The following PGLYRP4 variants were observed in gnomAD, a reference collection of about 807,000 sequenced individuals.
PGLYRP4 encodes PGRP-I-beta.
PGLYRP4 carries 39 observed loss-of-function variants against 41.2 expected under a neutral mutation model. The observed-to-expected ratio is 0.95, with a 90% CI of 0.73 to 1.24. The LOEUF is 1.24. Among genes scored for constraint, PGLYRP4 ranks in the 50% most tolerant of loss-of-function variants. The pLI, the probability that PGLYRP4 is intolerant of heterozygous loss-of-function variation, is 0.00. For synonymous variants in PGLYRP4, 202 were observed against 186.8 expected (o/e 1.08, Z -0.66); for missense variants, 467 against 460.7 (o/e 1.01, Z -0.13).
chr1:153,342,372 T>C (rs1660836620), intron 5 of PGLYRP4, among the ~76,000 whole-genome samples: 1 of 152,242 alleles, frequency 6.6e-6, no homozygotes, highest in South Asian at 2.1e-4. Flanking sequence ...CCTCTCCTTC[T>C]AGCTGTGTCA....
Position 153,340,569 on chromosome 1 carries a change from G to A in PGLYRP4, c.636C>T (p.Gly212=), listed in dbSNP as rs774162708. The A allele has an allele frequency of 1.5e-5, 25 of 1,613,752 alleles. No individual in the cohort carries two copies. The highest frequency in any genetic ancestry group is 2.2e-5 in the East Asian group (1 of 44,872). ...CTCCCCACACAGACCGTGGGACAACGCCGGGGCAAGCTGAGGTGGGGCGAG... is the reference window on the plus strand; with the variant it reads ...CTCCCCACACAGACCGTGGGACAACACCGGGGCAAGCTGAGGTGGGGCGAG... ...QKTSLKKACP[G]VVPRSVWGAR... is the part of the protein sequence containing the mutation. The change falls in exon 7 of 9, where the codon GGC becomes GGT. Residue 212 remains glycine (G), a synonymous_variant. Coordinates refer to ENST00000359650, the MANE Select transcript of PGLYRP4 (RefSeq NM_020393.4).
intron 7 of PGLYRP4, among the ~76,000 whole-genome samples, chr1:153,338,745 T>C (rs1450423454): frequency 2.0e-5 from 3 of 152,212 alleles, no homozygotes; most frequent in African/African-American, 4.8e-5. Context: ...CCCACTCAAC[T>C]GTAAGGCCTC....
rs755069547 is a variant in PGLYRP4, at chr1:153,341,577, G to A, written c.625+50C>T. ...CACTCCCAATGGTATTTGCGAGTTA[G>A]TTGGGGTGAGCCCAGTGGCAGGCCC... On this transcript the variant is annotated intron_variant, in intron 6 of 8. Transcript: ENST00000359650. The A allele has an allele frequency of 5.8e-6, 9 of 1,544,918 alleles. No homozygotes were observed. In the Admixed American group the frequency reaches 7.4e-5, roughly 13 times the overall value.
intron 8 of PGLYRP4, among the ~76,000 whole-genome samples, chr1:153,335,073 A>G (rs1233605078): frequency 6.6e-6 from 1 of 152,206 alleles, no homozygotes; most frequent in East Asian, 1.9e-4. Flanking sequence ...TAAATTTAAG[A>G]TCTCAAACTA....
In PGLYRP4 at chr1:153,330,875, G is replaced by T. The variant is rs938485372; in HGVS notation, c.1014C>A (p.Tyr338Ter). The change falls in exon 9 of 9, where the codon TAC becomes TAA. Residue 338 changes from tyrosine to a stop codon, truncating the protein, a stop_gained. Coordinates refer to ENST00000359650, the MANE Select transcript of PGLYRP4 (RefSeq NM_020393.4). LOFTEE classifies it high-confidence loss of function. Reference protein sequence around the residue: ...DLIQCAMVKGYLTPNYLLVGH... With the variant: ...DLIQCAMVKG ...CCACCAGCAGGTAGTTGGGAGTCAG[G>T]TACCCTTTGACCATGGCACACTGGA... 1 of 1,613,844 alleles carries T rather than the reference G, an allele frequency of 6.2e-7. No homozygotes were observed. Among genetic ancestry groups the T allele is most frequent in the Admixed American group, 1.7e-5 (1 of 59,994 alleles).
At chr1:153,347,851 G>A (rs192733709) in intron 2 of PGLYRP4, 33 bp downstream of exon 2, 79 of 1,495,256 alleles carry the variant, frequency 5.3e-5, no homozygotes, top group African/African-American at 5.2e-4. Context: ...CACCCTTCTC[G>A]GTTGCTTTTT....
At chr1:153,342,168 A>C (rs1157997928) in intron 5 of PGLYRP4, among the ~76,000 whole-genome samples, 1 of 152,240 alleles carries the variant, frequency 6.6e-6, no homozygotes, top group Non-Finnish European at 1.5e-5. Context: ...GAGAGATGCT[A>C]TTATTAACTG....
At chr1:153,346,474 C>T (rs1394684461) in intron 2 of PGLYRP4, among the ~76,000 whole-genome samples, 15 of 86,216 alleles carry the variant, frequency 1.7e-4, no homozygotes, top group African/African-American at 4.7e-4. Context: ...ACACAATTGG[C>T]GGGGAAAAAA....
Position 153,347,988 on chromosome 1 carries a change from A to T in PGLYRP4, c.-46-10T>A, listed in dbSNP as rs1239155024. On this transcript the variant is annotated splice_polypyrimidine_tract_variant and intron_variant, in intron 1 of 8. Transcript: ENST00000359650. Reference sequence around the variant, plus strand: ...GAGTGTGGATGGCAGCCTGAGAGAGACGCTGACAGTTGTTAACATGACCAT... The same window carrying T: ...GAGTGTGGATGGCAGCCTGAGAGAGTCGCTGACAGTTGTTAACATGACCAT... 3 of 1,398,524 alleles carry T rather than the reference A, an allele frequency of 2.1e-6. No individual in the cohort carries two copies. The highest frequency in any genetic ancestry group is 3.0e-6 in the Non-Finnish European group (3 of 991,070). The allele number at this position is 1,398,524 out of a possible 1,614,324, so 86.6% of individuals were successfully genotyped here. A position where few individuals can be genotyped will look rare whatever the true frequency, so the allele number is the denominator to read the frequency against.
rs761888917 is a variant in PGLYRP4 at position 153,330,922 on chromosome 1, G to T, written c.967C>A (p.Leu323Ile). 3.3e-5 allele frequency: 53 copies of T among 1,613,688 alleles called. No individual in the cohort carries two copies. The African/African-American group carries it at 6.4e-4, about 20-fold the overall frequency. ...FTGIPPNAAALEAAQDLIQCA... is the reference protein window; with the variant it reads ...FTGIPPNAAAIEAAQDLIQCA... The stretch of plus-strand genomic sequence containing the variant: ...TGGATCAGGTCTTGGGCTGCCTCTA[G>T]TGCTGCAGCATTGGGTGGTATACCT... Residue 323 changes from leucine to isoleucine, a missense_variant, in exon 9 of 9, where the codon CTA becomes ATA. Physicochemically the swap from Leu to Ile is conservative, Grantham distance 5. Coordinates refer to ENST00000359650, the MANE Select transcript of PGLYRP4 (RefSeq NM_020393.4).
intron 6 of PGLYRP4, 124 bp downstream of exon 6, chr1:153,341,503 G>A: frequency 1.2e-6 from 1 of 852,280 alleles, no homozygotes; most frequent in Admixed American, 2.5e-5. Flanking sequence ...AGAGAGTTGG[G>A]TGGCCAGTTG....
intron 8 of PGLYRP4, among the ~76,000 whole-genome samples, chr1:153,335,106 A>AG (rs1412746774): frequency 1.1e-4 from 16 of 152,324 alleles, no homozygotes; most frequent in East Asian, 3.9e-4. Flanking sequence ...AAGAAAACCC[A>AG]GGGAAAAACT....
rs1387911203 is a variant in PGLYRP4 at position 153,341,621 on chromosome 1, T to G, written c.625+6A>C. The G allele has an allele frequency of 4.4e-6, 7 of 1,606,896 alleles. No individual in the cohort carries two copies. The highest frequency in any genetic ancestry group is 1.7e-5 in the Admixed American group (1 of 59,686). The stretch of plus-strand genomic sequence containing the variant: ...CAGGCCCAGTAGGGCTGAAGAAAGG[T>G]CTTACCCTTCTTCAGGCTTGTCTTC... On this transcript the variant is annotated splice_donor_region_variant and intron_variant, in intron 6 of 8. Coordinates refer to ENST00000359650, the MANE Select transcript of PGLYRP4 (RefSeq NM_020393.4).
Position 153,330,558 on chromosome 1 carries a change from T to C in PGLYRP4, c.*209A>G. 2.4e-6 allele frequency: 1 copy of C among 411,360 alleles called. No homozygotes were observed. Among genetic ancestry groups the C allele is most frequent in the Non-Finnish European group, 4.5e-6 (1 of 222,280 alleles). The allele number at this position is 411,360 out of a possible 1,614,324, so 25.5% of individuals were successfully genotyped here. A position where few individuals can be genotyped will look rare whatever the true frequency, so the allele number is the denominator to read the frequency against. On this transcript the variant is annotated 3_prime_UTR_variant, in exon 9 of 9. Transcript: ENST00000359650. ...GGAGAGAAGAAATCTGGACTCAGACTCAGAGGGCTGTGAATGTCCAGCTAT... is the reference window on the plus strand; with the variant it reads ...GGAGAGAAGAAATCTGGACTCAGACCCAGAGGGCTGTGAATGTCCAGCTAT...
chr1:153,337,118 C>G, intron 8 of PGLYRP4, 63 bp downstream of exon 8: 1 of 1,169,250 alleles, frequency 8.6e-7, no homozygotes, highest in Non-Finnish European at 1.3e-6. Flanking sequence ...ACTTTGTCTT[C>G]CATGTCAGAT....
intron 3 of PGLYRP4, 135 bp from the exon 4 acceptor site, chr1:153,345,517 C>T: frequency 1.4e-6 from 1 of 691,876 alleles, no homozygotes; most frequent in East Asian, 2.6e-5. Flanking sequence ...GCCCTGCCCA[C>T]CTCTACATAC....
At position 153,333,926 on chromosome 1, in the gene PGLYRP4, G is replaced by A. The variant is rs116987684; in HGVS notation, c.944-2981C>T. On this transcript the variant is annotated intron_variant, in intron 8 of 8. Coordinates refer to ENST00000359650, the MANE Select transcript of PGLYRP4 (RefSeq NM_020393.4). ...GAACATACCTCAGAATAAAAAATCCGTATATGACAAAATCACAATCAACAT... is the reference window on the plus strand; with the variant it reads ...GAACATACCTCAGAATAAAAAATCCATATATGACAAAATCACAATCAACAT... 1.9e-3 allele frequency among the ~76,000 whole-genome samples: 292 copies of A among 152,110 alleles called. 9 individuals carry two copies. The East Asian group carries it at 0.042, about 22-fold the overall frequency.
At chr1:153,334,464 T>TTACATATATATA (rs1660463289) in intron 8 of PGLYRP4, among the ~76,000 whole-genome samples, 1 of 57,164 alleles carries the variant, frequency 1.7e-5, no homozygotes, top group East Asian at 3.0e-4. Flanking sequence ...ATATATATAT[T>TTACATATATATA]TATTTATATA....
intron 3 of PGLYRP4, 139 bp downstream of exon 3, chr1:153,345,963 A>T: frequency 1.4e-6 from 1 of 704,882 alleles, no homozygotes; most frequent in Middle Eastern, 3.7e-4. Flanking sequence ...CAGGTGGTTT[A>T]CTGGTACTGC....
Sources: gnomAD v4.1 joint callset for allele counts (sites outside exome capture counted in the v4.1 genomes callset) on GRCh38, gnomAD v4.1.1 for gene constraint, MANE v1.5 for transcripts, NCBI Gene and HGNC (gene_info 2026-07-23, HGNC 2026-07-21) for gene names.